The following TACR1 variants were observed in gnomAD, a reference collection of about 807,000 sequenced individuals.
TACR1 encodes substance-P receptor.
Under a neutral mutation model 35.8 loss-of-function variants are expected in TACR1, and 25 were observed. The ratio of observed to expected loss-of-function variants is 0.70; its 90% CI spans 0.51 to 0.98. The LOEUF (loss-of-function observed/expected upper bound fraction) is 0.98, where lower values mean the gene tolerates loss of function less well. Among genes scored for constraint, TACR1 ranks in the 50% least tolerant of loss-of-function variants. The pLI, the probability that TACR1 is intolerant of heterozygous loss-of-function variation, is 0.00. For missense variants in TACR1, 478 were observed against 522.9 expected (o/e 0.91, Z 0.84); for synonymous variants, 195 against 206.7 (o/e 0.94, Z 0.48).
intron 2 of TACR1, among the ~76,000 whole-genome samples, chr2:75,069,058 C>T (rs150331828): frequency 6.8e-4 from 103 of 152,162 alleles, no homozygotes; most frequent in Middle Eastern, 3.4e-3. Flanking sequence ...GTGCTGTTCT[C>T]GTGAAAGTGA....
intron 2 of TACR1, among the ~76,000 whole-genome samples, chr2:75,070,511 A>C (rs555754515): frequency 2.6e-5 from 4 of 152,342 alleles, no homozygotes; most frequent in African/African-American, 9.6e-5. Flanking sequence ...TATTTTACAT[A>C]AGAAGAAACT....
At chr2:75,095,241 TCTCCCTGAGGGTGCACA>T (rs1673399352) in intron 2 of TACR1, among the ~76,000 whole-genome samples, 1 of 152,148 alleles carries the variant, frequency 6.6e-6, no homozygotes, top group East Asian at 1.9e-4. Context: ...GTTCCTTCAC[TCTCCCTGAGGGTGCACA>T]CTTGGGTGGT....
rs941588389 is a variant in TACR1, at chr2:75,048,979, T to C, written c.*453A>G. The C allele has an allele frequency of 3.1e-5, 5 of 160,642 alleles. No individual in the cohort carries two copies. The highest frequency in any genetic ancestry group is 6.1e-5 in the Admixed American group (1 of 16,450). 10.0% of individuals were successfully genotyped at this position (160,642 alleles called of 1,614,324 possible). ...GTGGTGCCTTCTTTTGTTCACCCTG[T>C]CAAGCGTAGGCTGGGGTGATAGGAG... On this transcript the variant is annotated 3_prime_UTR_variant, in exon 5 of 5. Transcript: ENST00000305249.
intron 1 of TACR1, among the ~76,000 whole-genome samples, chr2:75,151,704 G>A (rs906705148): frequency 6.6e-6 from 1 of 152,194 alleles, no homozygotes; most frequent in African/African-American, 2.4e-5. Context: ...TAGTGGAGCT[G>A]TGAGAAGAGG....
intron 1 of TACR1, among the ~76,000 whole-genome samples, chr2:75,146,380 C>G (rs1674514065): frequency 6.6e-6 from 1 of 152,156 alleles, no homozygotes; most frequent in African/African-American, 2.4e-5. Context: ...GCCTTGGCCC[C>G]CCAAAGTGCT....
At chr2:75,107,509 TGAAA>T (rs1347663341) in intron 2 of TACR1, among the ~76,000 whole-genome samples, 1 of 147,220 alleles carries the variant, frequency 6.8e-6, no homozygotes, top group Non-Finnish European at 1.5e-5. Context: ...GAGGCAAGGA[TGAAA>T]GAAGGAAGGG....
At chr2:75,172,752 G>C (rs1675320914) in intron 1 of TACR1, among the ~76,000 whole-genome samples, 1 of 152,148 alleles carries the variant, frequency 6.6e-6, no homozygotes, top group Non-Finnish European at 1.5e-5. Context: ...TTGAAAAATA[G>C]AAATTTATTT....
intron 2 of TACR1, among the ~76,000 whole-genome samples, chr2:75,086,539 C>T (rs752605983): frequency 2.0e-5 from 3 of 152,128 alleles, no homozygotes; most frequent in Admixed American, 2.0e-4. Flanking sequence ...GAGTCTCATA[C>T]ACCCAGTCCA....
chr2:75,119,973 G>A lies in TACR1; in HGVS notation c.584+601C>T, dbSNP rs533185310. On this transcript the variant is annotated intron_variant, in intron 2 of 4. Transcript: ENST00000305249. ...CGTGGAGATTAATCCCACAAGGAAA[G>A]CTCGGACGTGATGTAAAACACAAAC... Among the ~76,000 whole-genome samples, 22 of 152,316 alleles carry A rather than the reference G, an allele frequency of 1.4e-4. No homozygotes were observed. In the South Asian group the frequency reaches 4.6e-3, roughly 32 times the overall value.
rs202095119 is a variant in TACR1 at position 75,198,712 on chromosome 2, C to G, written c.223G>C (p.Ala75Pro). Residue 75 changes from alanine to proline, a missense_variant, in exon 1 of 5, where the codon GCC (alanine) becomes CCC (proline). Ala to Pro is a conservative substitution (Grantham distance 27). Coordinates refer to ENST00000305249, the MANE Select transcript of TACR1 (RefSeq NM_001058.4). ...TVTNYFLVNL[A>P]FAEASMAAFN... ...GCAGCCATGGAGGCCTCCGCGAAGG[C>G]CAGGTTCACCAGAAAATAGTTCGTC... 6.2e-7 allele frequency: 1 copy of G among 1,614,194 alleles called. No homozygotes were observed. Among genetic ancestry groups the G allele is most frequent in the Non-Finnish European group, 8.5e-7 (1 of 1,180,026 alleles).
intron 1 of TACR1, among the ~76,000 whole-genome samples, chr2:75,172,055 C>T (rs1675299347): frequency 6.6e-6 from 1 of 152,192 alleles, no homozygotes; most frequent in African/African-American, 2.4e-5. Context: ...TGGACTAATG[C>T]ATGCAGATAT....
At chr2:75,154,411 CACACACA>C (rs1558572283) in intron 1 of TACR1, 1 of 59,086 alleles carries the variant, frequency 1.7e-5, no homozygotes, top group African/African-American at 5.0e-5. Flanking sequence ...AGCGCGCACG[CACACACA>C]CACACACACA....
rs1010786840 is a variant in TACR1, at chr2:75,051,435, T to C, written c.748A>G (p.Met250Val). ...GCGAAGGTGCACACCACGACAATCA[T>C]CATTTTGACCACCTGGCAAGAGGGT... ...VSAKRKVVKMMIVVVCTFAIC... is the reference protein window; with the variant it reads ...VSAKRKVVKMVIVVVCTFAIC... The change falls in exon 4 of 5, where the codon ATG becomes GTG. Residue 250 changes from methionine (M) to valine (V), a missense_variant. Met to Val is a conservative substitution (Grantham distance 21). Coordinates refer to ENST00000305249, the MANE Select transcript of TACR1 (RefSeq NM_001058.4). 13 of 1,613,810 alleles carry C rather than the reference T, an allele frequency of 8.1e-6. No individual in the cohort carries two copies. The Admixed American group carries it at 1.7e-4, about 21-fold the overall frequency.
intron 1 of TACR1, among the ~76,000 whole-genome samples, chr2:75,136,290 C>T (rs954214938): frequency 6.6e-6 from 1 of 152,198 alleles, no homozygotes; most frequent in Non-Finnish European, 1.5e-5. Flanking sequence ...TTGACCCTCA[C>T]TTCTTCGTCC....
At chr2:75,134,245 C>T (rs1366402316) in intron 1 of TACR1, among the ~76,000 whole-genome samples, 3 of 152,174 alleles carry the variant, frequency 2.0e-5, no homozygotes, top group Non-Finnish European at 4.4e-5. Flanking sequence ...TGAATTCTTT[C>T]TTGCACAAGA....
chr2:75,136,527 C>T (rs566222214), intron 1 of TACR1, among the ~76,000 whole-genome samples: 31 of 152,184 alleles, frequency 2.0e-4, no homozygotes, highest in African/African-American at 7.0e-4. Flanking sequence ...GGTCTGTGAA[C>T]GAGTCTAGGG....
intron 1 of TACR1, among the ~76,000 whole-genome samples, chr2:75,152,376 A>C (rs1350063362): frequency 6.6e-6 from 1 of 152,158 alleles, no homozygotes; most frequent in Admixed American, 6.5e-5. Flanking sequence ...TGCTGTTCTC[A>C]TGATAGTGAA....
At chr2:75,197,774 C>T (rs3771869) in intron 1 of TACR1, among the ~76,000 whole-genome samples, 84,381 of 152,044 alleles carry the variant, frequency 0.55, 25,690 homozygotes, top group African/African-American at 0.83. Flanking sequence ...TAGAGACAGG[C>T]TAAATACATA....
intron 2 of TACR1, among the ~76,000 whole-genome samples, chr2:75,102,770 T>C (rs1164095933): frequency 1.3e-5 from 2 of 152,128 alleles, no homozygotes; most frequent in African/African-American, 4.8e-5. Flanking sequence ...TTATCAAATA[T>C]GTAAGAAAGT....
Sources: gnomAD v4.1 joint callset for allele counts (sites outside exome capture counted in the v4.1 genomes callset) on GRCh38, gnomAD v4.1.1 for gene constraint, MANE v1.5 for transcripts, NCBI Gene and HGNC (gene_info 2026-07-23, HGNC 2026-07-21) for gene names.